GAA: variants seen among roughly 807,000 people sequenced by gnomAD.
The protein encoded by GAA is alpha glucosidase.
GAA carries 88 observed loss-of-function variants against 103.9 expected under a neutral mutation model. The observed-to-expected ratio is 0.85, with a 90% CI of 0.71 to 1.01. The LOEUF (loss-of-function observed/expected upper bound fraction) is 1.01. GAA is among the 50% of genes least tolerant of loss of function. GAA has a pLI of 0.00. For missense variants in GAA, 1,350 were observed against 1,305.3 expected, an observed-to-expected ratio of 1.03 and a Z score of -0.53; for synonymous variants, 572 against 563.1, an observed-to-expected ratio of 1.02 and a Z score of -0.22.
chr17:80,112,535 ACC>A (rs1431437203), intron 12 of GAA, 41 bp from the exon 13 acceptor site: 1 of 1,611,224 alleles, frequency 6.2e-7, no homozygotes, highest in African/African-American at 1.3e-5. Flanking sequence ...TTCCCGAGTG[ACC>A]CCGCTCCACA....
rs1049952347 is a variant in GAA at position 80,119,466 on chromosome 17, C to T, written c.*135C>T. The stretch of plus-strand genomic sequence containing the variant: ...GAGCTGGGCACTAACCATTCCAAGC[C>T]GCCGCATCGCTTGTTTCCACCTCCT... On this transcript the variant is annotated 3_prime_UTR_variant, in exon 20 of 20. Coordinates refer to ENST00000302262, the MANE Select transcript of GAA (RefSeq NM_000152.5). The T allele has an allele frequency of 2.9e-5, 22 of 767,280 alleles. No individual in the cohort carries two copies. Among genetic ancestry groups the T allele is most frequent in the Non-Finnish European group, 4.3e-5 (19 of 437,952 alleles). The allele number at this position is 767,280 out of a possible 1,614,324, so 47.5% of individuals were successfully genotyped here. A position where few individuals can be genotyped will look rare whatever the true frequency, so the allele number is the denominator to read the frequency against.
chr17:80,113,174 G>T, intron 14 of GAA, 44 bp from the exon 15 acceptor site: 1 of 1,559,498 alleles, frequency 6.4e-7, no homozygotes. Context: ...GGGGACCGCG[G>T]CCCCAGCACC....
At chr17:80,110,169 C>T (rs760819564) in intron 9 of GAA, 114 bp downstream of exon 9, 33 of 815,056 alleles carry the variant, frequency 4.0e-5, no homozygotes, top group Non-Finnish European at 5.9e-5. Flanking sequence ...CCCAGTGGGA[C>T]AGCTGAGAGG....
At position 80,118,185 on chromosome 17, in the gene GAA, C is replaced by G. The variant is rs1407022252; in HGVS notation, c.2482-8C>G. ...GGATGATGACATCACGTGTCCTTCC[C>G]TTTCCAGGGCCCTGGCCTCACAACC... is the stretch of plus-strand genomic sequence containing the variant. On this transcript the variant is annotated splice_region_variant and splice_polypyrimidine_tract_variant and intron_variant, in intron 17 of 19. Coordinates refer to ENST00000302262, the MANE Select transcript of GAA (RefSeq NM_000152.5). The G allele has an allele frequency of 1.2e-6, 2 of 1,612,866 alleles. No individual in the cohort carries two copies. Among genetic ancestry groups the G allele is most frequent in the African/African-American group, 1.3e-5 (1 of 75,064 alleles).
chr17:80,105,553 C>T (rs566701331), intron 2 of GAA, among the ~76,000 whole-genome samples, 196 bp from the exon 3 acceptor site: 53 of 152,288 alleles, frequency 3.5e-4, no homozygotes, highest in African/African-American at 1.2e-3. Context: ...CTGTATTTTA[C>T]CTCCATCCTG....
intron 15 of GAA, 163 bp from the exon 16 acceptor site, chr17:80,116,805 T>C: frequency 1.4e-6 from 1 of 725,988 alleles, no homozygotes. Flanking sequence ...TTCTATCTGC[T>C]GGAATCATCC....
In GAA at chr17:80,104,548, C is replaced by G; in HGVS notation, c.-32-7C>G. 6.3e-7 allele frequency: 1 copy of G among 1,576,698 alleles called. No individual in the cohort carries two copies. The highest frequency in any genetic ancestry group is 1.9e-4 in the Middle Eastern group (1 of 5,332). On this transcript the variant is annotated splice_region_variant and splice_polypyrimidine_tract_variant and intron_variant, in intron 1 of 19. Coordinates refer to ENST00000302262, the MANE Select transcript of GAA (RefSeq NM_000152.5). This position sits in a 1 kb window ranked among gnomAD's most constrained non-coding sequence, Gnocchi z 4.0. ...CTCCCTGCTGAGCCCGCTTTCTTCT[C>G]CCGCAGGCCTGTAGGAGCTGTCCAG... is the stretch of plus-strand genomic sequence containing the variant.
intron 8 of GAA, 51 bp from the exon 9 acceptor site, chr17:80,109,894 G>A (rs763810749): frequency 2.1e-6 from 3 of 1,403,136 alleles, no homozygotes; most frequent in South Asian, 2.3e-5. Context: ...CCCCGTGGCT[G>A]GCGCCAGGGC....
At chr17:80,106,909 C>T (rs192365689) in intron 3 of GAA, among the ~76,000 whole-genome samples, 21 of 152,248 alleles carry the variant, frequency 1.4e-4, no homozygotes, top group South Asian at 1.0e-3. Flanking sequence ...CTGAAGACCC[C>T]GTCTCAAAAA....
intron 8 of GAA, among the ~76,000 whole-genome samples, 171 bp from the exon 9 acceptor site, chr17:80,109,774 C>T (rs1052155162): frequency 1.3e-5 from 2 of 152,114 alleles, no homozygotes; most frequent in African/African-American, 4.8e-5. Flanking sequence ...TCGCCCGGCC[C>T]TGGCTCCTCT....
intron 1 of GAA, among the ~76,000 whole-genome samples, chr17:80,103,627 G>A (rs770166455): frequency 3.3e-5 from 5 of 152,130 alleles, no homozygotes; most frequent in African/African-American, 4.8e-5. Flanking sequence ...TAATGAAAGC[G>A]AACCCCCATA....
intron 19 of GAA, 114 bp from the exon 20 acceptor site, chr17:80,119,158 G>GC: frequency 9.4e-7 from 1 of 1,063,056 alleles, no homozygotes; most frequent in Non-Finnish European, 1.5e-6. Context: ...CCCCCTGAGC[G>GC]CCGGGCCTCG....
chr17:80,111,897 G>C (rs2039243666), intron 11 of GAA, 86 bp from the exon 12 acceptor site: 3 of 1,129,792 alleles, frequency 2.7e-6, no homozygotes, highest in Middle Eastern at 2.0e-4. Context: ...ACCTGCACAG[G>C]GGCTCCTGGG....
chr17:80,106,694 G>A (rs2039096858), intron 3 of GAA, among the ~76,000 whole-genome samples: 1 of 152,138 alleles, frequency 6.6e-6, no homozygotes, highest in African/African-American at 2.4e-5. Context: ...AAGGCGAGAG[G>A]GTCACTTGAG....
At chr17:80,119,072 G>A (rs527952391) in intron 19 of GAA, among the ~76,000 whole-genome samples, 200 bp from the exon 20 acceptor site, 5 of 152,302 alleles carry the variant, frequency 3.3e-5, no homozygotes, top group Non-Finnish European at 5.9e-5. Context: ...AAGGTGACCC[G>A]CACTGAGAGC....
At chr17:80,108,171 T>G in intron 5 of GAA, 119 bp from the exon 6 acceptor site, 2 of 1,562,994 alleles carry the variant, frequency 1.3e-6, no homozygotes, top group South Asian at 2.2e-5. Context: ...CCCAGGCCAC[T>G]CTGAGCTCCT....
chr17:80,104,310 G>GT lies in GAA; in HGVS notation c.-32-242dup, dbSNP rs1316939519. Among the ~76,000 whole-genome samples the GT allele has an allele frequency of 6.6e-6, 1 of 152,146 alleles. No homozygotes were observed. Among genetic ancestry groups the GT allele is most frequent in the African/African-American group, 2.4e-5 (1 of 41,416 alleles). ...GTCTTCCTGGGGACATTCTAAGCGT[G>GT]TTTGATTTGTAACATTTTAGCAGAC... is the stretch of plus-strand genomic sequence containing the variant. On this transcript the variant is annotated intron_variant, in intron 1 of 19. Transcript: ENST00000302262. This position sits in a 1 kb window ranked among gnomAD's most constrained non-coding sequence, Gnocchi z 4.0.
In GAA at chr17:80,111,821, C is replaced by T. The variant is rs1195186721; in HGVS notation, c.1637-162C>T. 9 of 630,170 alleles carry T rather than the reference C, an allele frequency of 1.4e-5. No individual in the cohort carries two copies. The African/African-American group carries it at 1.6e-4, about 11-fold the overall frequency. 39.0% of individuals were successfully genotyped at this position (630,170 alleles called of 1,614,324 possible). A position where few individuals can be genotyped will look rare whatever the true frequency, so the allele number is the denominator to read the frequency against. ...TGATTACCCAGGTTCCCGGGTAACG[C>T]CAGCCCCACAGAGGCGTGGGGAGCG... is the stretch of plus-strand genomic sequence containing the variant. On this transcript the variant is annotated intron_variant, in intron 11 of 19. Transcript: ENST00000302262.
chr17:80,118,060 G>A (rs2039398138), intron 17 of GAA, 133 bp from the exon 18 acceptor site: 1 of 1,056,066 alleles, frequency 9.5e-7, no homozygotes, highest in African/African-American at 1.6e-5. Flanking sequence ...TCCAGCCCCT[G>A]CGGCCGCAGG....
Sources: gnomAD v4.1 joint callset for allele counts (sites outside exome capture counted in the v4.1 genomes callset) on GRCh38, gnomAD v4.1.1 for gene constraint, Gnocchi (gnomAD v3.1) non-coding constraint, MANE v1.5 for transcripts, NCBI Gene and HGNC (gene_info 2026-07-23, HGNC 2026-07-21) for gene names.